RIT2: variants seen among roughly 807,000 people sequenced by gnomAD.
The protein encoded by RIT2 is Ras like without CAAX 2, also known as GTP-binding protein Rit2.
RIT2 carries 24 observed loss-of-function variants against 23.7 expected under a neutral mutation model. The ratio of observed to expected loss-of-function variants is 1.01; its 90% CI spans 0.73 to 1.43. RIT2 has a LOEUF of 1.43. RIT2 is among the 40% of genes most tolerant of loss of function. The probability of loss-of-function intolerance (pLI) is 0.00; values close to 1 mark genes in which losing one functional copy is unlikely to be tolerated. For synonymous variants in RIT2, 107 were observed against 91.1 expected, an observed-to-expected ratio of 1.17 and a Z score of -0.99; for missense variants, 236 against 266.9, an observed-to-expected ratio of 0.88 and a Z score of 0.81.
intron 1 of RIT2, among the ~76,000 whole-genome samples, chr18:43,098,707 C>T (rs1001924836): frequency 6.6e-6 from 1 of 151,926 alleles, no homozygotes. Flanking sequence ...CATTGGAAGC[C>T]TATTCATTAA....
At chr18:42,864,153 A>C (rs921792478) in intron 4 of RIT2, among the ~76,000 whole-genome samples, 1 of 152,108 alleles carries the variant, frequency 6.6e-6, no homozygotes, top group Non-Finnish European at 1.5e-5. Context: ...AATCACTCAC[A>C]TCTACCTGTT....
chr18:42,895,947 G>T (rs1908317694), intron 4 of RIT2, among the ~76,000 whole-genome samples: 1 of 152,204 alleles, frequency 6.6e-6, no homozygotes, highest in Admixed American at 6.6e-5. Context: ...GGCAGGTACA[G>T]TAGAAGGCAA....
intron 4 of RIT2, among the ~76,000 whole-genome samples, chr18:42,820,480 C>T (rs957737428): frequency 1.3e-5 from 2 of 152,106 alleles, no homozygotes; most frequent in African/African-American, 4.8e-5. Context: ...AATAGGCTTT[C>T]TAACTCTCTG....
intron 1 of RIT2, among the ~76,000 whole-genome samples, chr18:43,099,821 C>T (rs148766391): frequency 3.3e-5 from 5 of 152,096 alleles, no homozygotes; most frequent in Non-Finnish European, 7.4e-5. Flanking sequence ...CCCCAACGCT[C>T]TCCTATCAAT....
chr18:42,789,996 C>T (rs79982263), intron 4 of RIT2, among the ~76,000 whole-genome samples: 1 of 152,092 alleles, frequency 6.6e-6, no homozygotes, highest in South Asian at 2.1e-4. Flanking sequence ...ATGTATATTC[C>T]TTCTATTCCT....
intron 1 of RIT2, among the ~76,000 whole-genome samples, chr18:43,076,144 C>G (rs756614878): frequency 6.6e-6 from 1 of 152,134 alleles, no homozygotes; most frequent in South Asian, 2.1e-4. Flanking sequence ...CTTACAGCTT[C>G]ACATTATTCA....
chr18:42,990,918 T>G (rs931075262), intron 2 of RIT2, among the ~76,000 whole-genome samples: 2 of 150,286 alleles, frequency 1.3e-5, no homozygotes, highest in African/African-American at 4.9e-5. Flanking sequence ...TTTTGTTTTT[T>G]TTTTTTTTTT....
At chr18:43,108,988 T>TA (rs1913892339) in intron 1 of RIT2, among the ~76,000 whole-genome samples, 1 of 152,238 alleles carries the variant, frequency 6.6e-6, no homozygotes, top group Non-Finnish European at 1.5e-5. Context: ...GCTAATGAAG[T>TA]AAAATACAGA....
intron 1 of RIT2, among the ~76,000 whole-genome samples, chr18:43,097,235 A>G (rs1410984896): frequency 1.3e-5 from 2 of 151,936 alleles, no homozygotes; most frequent in African/African-American, 4.8e-5. Context: ...ACAGGTTCCC[A>G]GATGCTGTAG....
chr18:42,887,919 C>A (rs1165236929), intron 4 of RIT2, among the ~76,000 whole-genome samples: 3 of 152,104 alleles, frequency 2.0e-5, no homozygotes, highest in Non-Finnish European at 4.4e-5. Flanking sequence ...AAAGGCTACA[C>A]ACTGTATAAT....
At chr18:43,108,123 C>T (rs1198470150) in intron 1 of RIT2, among the ~76,000 whole-genome samples, 3 of 150,514 alleles carry the variant, frequency 2.0e-5, no homozygotes, top group South Asian at 2.1e-4. Context: ...TGCAGTGAGC[C>T]GAGATTGCAC....
intron 4 of RIT2, among the ~76,000 whole-genome samples, chr18:42,775,698 A>AAAAT (rs35398594): frequency 0.015 from 2,207 of 148,104 alleles, 65 homozygotes; most frequent in African/African-American, 0.053. Flanking sequence ...CTCCATCTCA[A>AAAAT]AAATAAATAA....
intron 1 of RIT2, among the ~76,000 whole-genome samples, chr18:43,096,831 G>C (rs970208934): frequency 6.6e-6 from 1 of 151,700 alleles, no homozygotes; most frequent in African/African-American, 2.4e-5. Context: ...TACTCAACAT[G>C]ATTGATAAAA....
At chr18:42,984,359 C>CA (rs760764247) in intron 2 of RIT2, among the ~76,000 whole-genome samples, 9 of 151,924 alleles carry the variant, frequency 5.9e-5, no homozygotes, top group Admixed American at 2.0e-4. Context: ...ATTTACATGA[C>CA]AAAATTGTAG....
chr18:43,078,110 A>T (rs528083676), intron 1 of RIT2, among the ~76,000 whole-genome samples: 6 of 152,336 alleles, frequency 3.9e-5, no homozygotes, highest in African/African-American at 1.4e-4. Context: ...GCATATTGCA[A>T]ACCATGGACA....
At chr18:42,815,871 T>G (rs1167121592) in intron 4 of RIT2, among the ~76,000 whole-genome samples, 2 of 152,184 alleles carry the variant, frequency 1.3e-5, no homozygotes, top group Admixed American at 6.5e-5. Flanking sequence ...CATTAATGTA[T>G]GTTTAAAAAT....
At chr18:42,987,207 A>G (rs1328663929) in intron 2 of RIT2, among the ~76,000 whole-genome samples, 3 of 152,190 alleles carry the variant, frequency 2.0e-5, no homozygotes, top group African/African-American at 7.2e-5. Flanking sequence ...CACATGTATC[A>G]TGGTCTCATG....
intron 4 of RIT2, among the ~76,000 whole-genome samples, chr18:42,818,697 A>G (rs1244475078): frequency 6.6e-6 from 1 of 152,100 alleles, no homozygotes; most frequent in Non-Finnish European, 1.5e-5. Flanking sequence ...TACTAAAAAA[A>G]TCAATCTCAG....
At chr18:42,875,244 G>A (rs1036795279) in intron 4 of RIT2, among the ~76,000 whole-genome samples, 3 of 150,702 alleles carry the variant, frequency 2.0e-5, no homozygotes, top group African/African-American at 7.3e-5. Context: ...ATGCTCTTGT[G>A]TTTCATTTTG....
Sources: gnomAD v4.1 joint callset for allele counts (sites outside exome capture counted in the v4.1 genomes callset) on GRCh38, gnomAD v4.1.1 for gene constraint, MANE v1.5 for transcripts, NCBI Gene and HGNC (gene_info 2026-07-23, HGNC 2026-07-21) for gene names.